Variants in ANO4 observed in about 807,000 individuals in gnomAD.
The protein encoded by ANO4 is anoctamin 4.
A neutral mutation model predicts 141.9 loss-of-function variants in ANO4; 69 were observed. That is an observed-to-expected ratio of 0.49 (90% confidence interval 0.40 to 0.59). ANO4 has a LOEUF of 0.59. Ranked by LOEUF, ANO4 falls within the 20% of genes least tolerant of loss-of-function variation. ANO4 has a pLI of 0.00. For missense variants in ANO4, 894 were observed against 1,162.2 expected (o/e 0.77, Z 3.36); for synonymous variants, 350 against 394.3 (o/e 0.89, Z 1.33).
chr12:100,730,521 G>A (rs2031337849), intron 1 of ANO4, among the ~76,000 whole-genome samples: 1 of 152,148 alleles, frequency 6.6e-6, no homozygotes, highest in Non-Finnish European at 1.5e-5. Flanking sequence ...TTAATTATTT[G>A]TTTGTTCCTT....
chr12:100,983,207 G>A (rs1316665997), intron 7 of ANO4, among the ~76,000 whole-genome samples: 2 of 152,186 alleles, frequency 1.3e-5, no homozygotes, highest in African/African-American at 4.8e-5. Flanking sequence ...CTAACTGGGA[G>A]GTGAGAACAG....
chr12:101,049,048 A>C (rs1421027880), intron 14 of ANO4, among the ~76,000 whole-genome samples: 1 of 152,240 alleles, frequency 6.6e-6, no homozygotes, highest in Non-Finnish European at 1.5e-5. Flanking sequence ...ATTTAATGAT[A>C]TAGAAAAACA....
intron 1 of ANO4, among the ~76,000 whole-genome samples, chr12:100,837,890 A>G (rs2037024861): frequency 6.6e-6 from 1 of 152,146 alleles, no homozygotes; most frequent in South Asian, 2.1e-4. Context: ...AACATCATAG[A>G]TGCCATGGTT....
At chr12:100,763,359 A>C (rs2032955490) in intron 3 of ANO4, among the ~76,000 whole-genome samples, 1 of 152,200 alleles carries the variant, frequency 6.6e-6, no homozygotes, top group Admixed American at 6.5e-5. Context: ...ATTTTGAAGC[A>C]GTTGAGCCAT....
chr12:101,022,104 G>A (rs1279380428), intron 9 of ANO4, among the ~76,000 whole-genome samples: 1 of 151,502 alleles, frequency 6.6e-6, no homozygotes, highest in Non-Finnish European at 1.5e-5. Flanking sequence ...ATATAACATG[G>A]AGAAATAGAT....
intron 1 of ANO4, among the ~76,000 whole-genome samples, chr12:100,864,185 T>A (rs1204521617): frequency 6.6e-6 from 1 of 151,996 alleles, no homozygotes; most frequent in Non-Finnish European, 1.5e-5. Context: ...CTTGAACCAA[T>A]CACAGTGGCC....
chr12:100,780,513 T>C (rs890335736), intron 3 of ANO4, among the ~76,000 whole-genome samples: 8 of 152,216 alleles, frequency 5.3e-5, no homozygotes, highest in African/African-American at 1.9e-4. Flanking sequence ...CTCCCAGAAC[T>C]GTATAAGGTA....
intron 22 of ANO4, among the ~76,000 whole-genome samples, chr12:101,105,053 C>T (rs1431792037): frequency 6.6e-6 from 1 of 152,090 alleles, no homozygotes; most frequent in Admixed American, 6.5e-5. Flanking sequence ...ATATGATGGG[C>T]AGGAGGCTGA....
chr12:100,857,641 G>T (rs917522074), intron 1 of ANO4, among the ~76,000 whole-genome samples: 1 of 152,124 alleles, frequency 6.6e-6, no homozygotes, highest in Non-Finnish European at 1.5e-5. Flanking sequence ...TCTGGGTTCA[G>T]CTGTCAAACA....
chr12:100,977,865 T>C (rs575548339), intron 7 of ANO4, among the ~76,000 whole-genome samples: 1 of 152,308 alleles, frequency 6.6e-6, no homozygotes, highest in Non-Finnish European at 1.5e-5. Flanking sequence ...ATCGCTTCCC[T>C]CCCACCACTC....
intron 3 of ANO4, among the ~76,000 whole-genome samples, chr12:100,788,068 T>G (rs958813664): frequency 1.3e-5 from 2 of 152,216 alleles, no homozygotes; most frequent in Non-Finnish European, 1.5e-5. Context: ...GCCATGGTTA[T>G]TTATTTATTA....
intron 1 of ANO4, among the ~76,000 whole-genome samples, chr12:100,886,425 A>G (rs1437425387): frequency 6.6e-6 from 1 of 152,178 alleles, no homozygotes. Context: ...CATCTTAAAC[A>G]TGCTTGAAAC....
chr12:100,875,575 C>G (rs2135939963), intron 1 of ANO4, among the ~76,000 whole-genome samples: 1 of 152,320 alleles, frequency 6.6e-6, no homozygotes, highest in East Asian at 1.9e-4. Context: ...TTCACAACAG[C>G]CTCATTCACC....
chr12:100,960,406 A>G (rs1238597898), intron 5 of ANO4, among the ~76,000 whole-genome samples: 2 of 152,114 alleles, frequency 1.3e-5, no homozygotes, highest in East Asian at 3.9e-4. Flanking sequence ...ACAGTTTTGT[A>G]TAACCTTTAG....
chr12:100,786,491 T>C (rs2033877360), intron 3 of ANO4, among the ~76,000 whole-genome samples: 1 of 152,150 alleles, frequency 6.6e-6, no homozygotes, highest in East Asian at 1.9e-4. Context: ...CCAAGGAACA[T>C]CAGCAGCCCA....
At chr12:101,039,099 T>G (rs2047314753) in intron 10 of ANO4, 1 of 152,178 alleles carries the variant, frequency 6.6e-6, no homozygotes, top group African/African-American at 2.4e-5. Flanking sequence ...TAAATTTGAA[T>G]TACAAGAATT....
chr12:100,764,138 TC>T (rs2032984356), intron 3 of ANO4, among the ~76,000 whole-genome samples: 1 of 152,234 alleles, frequency 6.6e-6, no homozygotes, highest in Admixed American at 6.5e-5. Flanking sequence ...TCTGCTATTG[TC>T]ATTTTTAAAT....
At chr12:100,938,877 A>G (rs1010318361) in intron 3 of ANO4, among the ~76,000 whole-genome samples, 2 of 152,192 alleles carry the variant, frequency 1.3e-5, no homozygotes, top group African/African-American at 4.8e-5. Flanking sequence ...GAATAGTTCA[A>G]GTGGCACGTT....
In ANO4 at chr12:100,812,470, G is replaced by GTA. The variant is rs61192735; in HGVS notation, c.-141+17453_-141+17454dup. 6.0e-5 allele frequency among the ~76,000 whole-genome samples: 9 copies of GTA among 148,964 alleles called. No homozygotes were observed. The South Asian group carries it at 6.2e-4, about 10-fold the overall frequency. On this transcript the variant is annotated intron_variant, in intron 1 of 27. Transcript: ENST00000392977. ...AAAACTCCAATATGTTTGTATTTAT[G>GTA]TATATATATATTACCTTATTCATAC... is the stretch of plus-strand genomic sequence containing the variant.
Sources: gnomAD v4.1 joint callset for allele counts (sites outside exome capture counted in the v4.1 genomes callset) on GRCh38, gnomAD v4.1.1 for gene constraint, MANE v1.5 for transcripts, NCBI Gene and HGNC (gene_info 2026-07-23, HGNC 2026-07-21) for gene names.